The following DOP1B variants were observed in gnomAD, a reference collection of about 807,000 sequenced individuals.
DOP1B encodes DOP1 leucine zipper like protein B, also known as protein DOP1B.
Under a neutral mutation model 233.5 loss-of-function variants are expected in DOP1B, and 174 were observed. That is an observed-to-expected ratio of 0.75 (90% CI 0.66 to 0.85). The LOEUF (loss-of-function observed/expected upper bound fraction) is 0.85, where lower values mean the gene tolerates loss of function less well. Ranked by LOEUF, DOP1B falls within the 40% of genes least tolerant of loss-of-function variation. The pLI, the probability that DOP1B is intolerant of heterozygous loss-of-function variation, is 0.00. For synonymous variants in DOP1B, 1,190 were observed against 1,185.6 expected (o/e 1.00, Z -0.08); for missense variants, 2,652 against 2,846.6 (o/e 0.93, Z 1.56).
intron 1 of DOP1B, among the ~76,000 whole-genome samples, chr21:36,163,279 G>A (rs1177468196): frequency 6.8e-6 from 1 of 147,826 alleles, no homozygotes; most frequent in Non-Finnish European, 1.5e-5. Context: ...AGGAAGCAGA[G>A]GTTGCAGTGA....
intron 2 of DOP1B, among the ~76,000 whole-genome samples, chr21:36,185,274 A>G (rs535602545): frequency 2.0e-5 from 3 of 152,136 alleles, no homozygotes; most frequent in Non-Finnish European, 4.4e-5. Context: ...CATCATGTAC[A>G]TTTCAAGGTG....
chr21:36,164,386 C>G (rs903622218), intron 1 of DOP1B: 1 of 162,486 alleles, frequency 6.2e-6, no homozygotes, highest in African/African-American at 2.4e-5. Flanking sequence ...TTTAAAATTA[C>G]CGGCTGGCAA....
Position 36,245,254 on chromosome 21 carries a change from T to C in DOP1B, c.3274T>C (p.Tyr1092His). Residue 1092 changes from tyrosine (Y) to histidine (H), a missense_variant, in exon 19 of 37, where the codon TAC becomes CAC. By Grantham distance (83) the Tyr-to-His change is moderately conservative. Transcript: ENST00000691173. The surrounding 1 kb of genome is among the most constrained non-coding windows in gnomAD (Gnocchi z 5.5). ...GELSEEELPY[Y>H]VELPDRTAHG... is the part of the protein sequence containing the mutation. Reference sequence around the variant, plus strand: ...GCTGAGCGAGGAAGAGCTGCCCTACTACGTGGAGCTTCCAGACAGGACGGC... The same window carrying C: ...GCTGAGCGAGGAAGAGCTGCCCTACCACGTGGAGCTTCCAGACAGGACGGC... The C allele has an allele frequency of 6.2e-7, 1 of 1,614,090 alleles. No homozygotes were observed. The highest frequency in any genetic ancestry group is 8.5e-7 in the Non-Finnish European group (1 of 1,180,030).
intron 13 of DOP1B, 134 bp downstream of exon 13, chr21:36,228,011 C>T (rs773065939): frequency 2.2e-6 from 2 of 909,454 alleles, no homozygotes; most frequent in Admixed American, 3.3e-5. Context: ...GTCAAATATG[C>T]TTGTAAAACC....
intron 11 of DOP1B, among the ~76,000 whole-genome samples, chr21:36,224,011 C>G (rs941656244): frequency 6.6e-6 from 1 of 152,136 alleles, no homozygotes; most frequent in Admixed American, 6.5e-5. Flanking sequence ...AGTCTTACTT[C>G]TCAGCTGCTA....
intron 2 of DOP1B, among the ~76,000 whole-genome samples, chr21:36,188,323 C>G (rs2066189516): frequency 6.6e-6 from 1 of 152,196 alleles, no homozygotes; most frequent in Admixed American, 6.5e-5. Context: ...ACCCCGACTC[C>G]CTGAGATGGC....
intron 23 of DOP1B, among the ~76,000 whole-genome samples, chr21:36,256,819 C>A (rs974142829): frequency 6.6e-6 from 1 of 152,108 alleles, no homozygotes; most frequent in Non-Finnish European, 1.5e-5. Context: ...ACACAGAAGA[C>A]TTCTCTTACC....
At chr21:36,199,042 CAT>C (rs780166927) in intron 2 of DOP1B, 26 bp from the exon 3 acceptor site, 4 of 1,600,648 alleles carry the variant, frequency 2.5e-6, no homozygotes, top group Non-Finnish European at 3.4e-6. Context: ...CCTTCTTCCT[CAT>C]GTGTTTTTTT....
In DOP1B at chr21:36,223,255, CT is replaced by C; in HGVS notation, c.1276del (p.Ser426LeufsTer7). ...GTGCAATCAAGGAAAACAGAAATGC[CT>C]CTGAGATTGTCAAAACGGTAAATTT... is the stretch of plus-strand genomic sequence containing the variant. ...ISAIKENRNA[S>X]EIVKTVNLLI... On this transcript the variant is annotated frameshift_variant, in exon 11 of 37. Coordinates refer to ENST00000691173, the MANE Select transcript of DOP1B (RefSeq NM_001320714.2). LOFTEE classifies it high-confidence loss of function. The C allele has an allele frequency of 6.2e-7, 1 of 1,607,412 alleles. No homozygotes were observed. Among genetic ancestry groups the C allele is most frequent in the South Asian group, 1.1e-5 (1 of 89,440 alleles).
chr21:36,178,206 G>A (rs1269300245), intron 2 of DOP1B, among the ~76,000 whole-genome samples: 1 of 152,134 alleles, frequency 6.6e-6, no homozygotes, highest in African/African-American at 2.4e-5. Context: ...AAGAATAGGA[G>A]GAGGGCAGGC....
chr21:36,200,317 G>T lies in DOP1B; in HGVS notation c.321-14G>T. The T allele has an allele frequency of 1.3e-6, 2 of 1,575,832 alleles. No individual in the cohort carries two copies. The highest frequency in any genetic ancestry group is 4.5e-5 in the East Asian group (2 of 44,008). Reference sequence around the variant, plus strand: ...TCTTATTTCTGCCCCGCTCCCTCTCGTTCTTTCTCGAAGCTGCGGGTTATT... The same window carrying T: ...TCTTATTTCTGCCCCGCTCCCTCTCTTTCTTTCTCGAAGCTGCGGGTTATT... On this transcript the variant is annotated splice_polypyrimidine_tract_variant and intron_variant, in intron 3 of 36. Coordinates refer to ENST00000691173, the MANE Select transcript of DOP1B (RefSeq NM_001320714.2).
intron 11 of DOP1B, among the ~76,000 whole-genome samples, chr21:36,225,320 C>G (rs1302962684): frequency 6.6e-6 from 1 of 151,810 alleles, no homozygotes; most frequent in Non-Finnish European, 1.5e-5. Context: ...ACCTCTGCCT[C>G]CCGGGTTCAA....
At chr21:36,162,275 G>A (rs1209311878) in intron 1 of DOP1B, among the ~76,000 whole-genome samples, 2 of 152,120 alleles carry the variant, frequency 1.3e-5, no homozygotes, top group African/African-American at 4.8e-5. Context: ...GCTCACTGCA[G>A]CCTCAACCTC....
intron 12 of DOP1B, among the ~76,000 whole-genome samples, chr21:36,226,922 T>A (rs2066690503): frequency 6.6e-6 from 1 of 152,040 alleles, no homozygotes; most frequent in Non-Finnish European, 1.5e-5. Flanking sequence ...GATTTGAAAA[T>A]TAATATGGTA....
chr21:36,190,563 A>G (rs12626333), intron 2 of DOP1B, among the ~76,000 whole-genome samples: 37,451 of 151,524 alleles, frequency 0.25, 4,967 homozygotes, highest in African/African-American at 0.33. Flanking sequence ...ACGCCTGGCT[A>G]ATTTTTGTAT....
chr21:36,237,037 C>T (rs1033207979), intron 15 of DOP1B, among the ~76,000 whole-genome samples: 2 of 152,128 alleles, frequency 1.3e-5, no homozygotes, highest in Admixed American at 1.3e-4. Flanking sequence ...TGCCCCACTT[C>T]GACCTCCCAA....
chr21:36,176,097 CGTGTGT>C (rs1555886143), intron 2 of DOP1B, among the ~76,000 whole-genome samples: 30 of 141,844 alleles, frequency 2.1e-4, no homozygotes, highest in Non-Finnish European at 3.4e-4. Context: ...GGTGTGTGTG[CGTGTGT>C]GTGTGTGTGT....
chr21:36,224,207 T>C (rs570604795), intron 11 of DOP1B, among the ~76,000 whole-genome samples: 85 of 151,982 alleles, frequency 5.6e-4, no homozygotes, highest in Non-Finnish European at 6.6e-4. Context: ...TGGAGTTCAC[T>C]GGCACGATCC....
chr21:36,255,789 ACT>A (rs1330411283), intron 23 of DOP1B, among the ~76,000 whole-genome samples: 1 of 143,232 alleles, frequency 7.0e-6, no homozygotes, highest in African/African-American at 2.5e-5. Flanking sequence ...AATGATAGAC[ACT>A]CTGAGAAAGA....
Sources: allele counts gnomAD v4.1 joint callset (sites outside exome capture counted in the v4.1 genomes callset), GRCh38; gene constraint gnomAD v4.1.1; non-coding constraint Gnocchi (gnomAD v3.1); transcripts MANE v1.5; gene names NCBI Gene and HGNC (gene_info 2026-07-23, HGNC 2026-07-21).